NT5DC1: variants seen among roughly 807,000 people sequenced by gnomAD.
NT5DC1 encodes 5'-nucleotidase domain containing 1.
A neutral mutation model predicts 59.4 loss-of-function variants in NT5DC1; 42 were observed. The ratio of observed to expected loss-of-function variants is 0.71; its 90% CI spans 0.55 to 0.92. NT5DC1 has a LOEUF of 0.92. Ranked by LOEUF, NT5DC1 falls within the 40% of genes least tolerant of loss-of-function variation. The pLI is 0.00. For synonymous variants in NT5DC1, 172 were observed against 188.1 expected (o/e 0.91, Z 0.70); for missense variants, 501 against 537.1 (o/e 0.93, Z 0.66).
chr6:116,181,779 A>G (rs1034045191), intron 6 of NT5DC1, among the ~76,000 whole-genome samples: 8 of 152,090 alleles, frequency 5.3e-5, no homozygotes, highest in African/African-American at 1.9e-4. Flanking sequence ...TGGGAGCTAT[A>G]TTATGTTCCT....
At chr6:116,121,573 G>A (rs754927069) in intron 6 of NT5DC1, 1 of 1,613,950 alleles carries the variant, frequency 6.2e-7, no homozygotes, top group Non-Finnish European at 8.5e-7. Context: ...TCATACCAGG[G>A]ACTCCTGGTG....
chr6:116,236,410 T>C (rs1782114573), intron 8 of NT5DC1, among the ~76,000 whole-genome samples: 1 of 152,222 alleles, frequency 6.6e-6, no homozygotes, highest in Non-Finnish European at 1.5e-5. Flanking sequence ...GGTAATGTGC[T>C]GGGAGAGGAC....
At chr6:116,165,210 G>A (rs539028239) in intron 6 of NT5DC1, among the ~76,000 whole-genome samples, 1 of 151,898 alleles carries the variant, frequency 6.6e-6, no homozygotes, top group Non-Finnish European at 1.5e-5. Context: ...TCTGCTGTTA[G>A]TCTGATAGGA....
At chr6:116,106,120 A>G (rs1036290033) in intron 1 of NT5DC1, 124 bp from the exon 2 acceptor site, 6 of 703,948 alleles carry the variant, frequency 8.5e-6, no homozygotes, top group Non-Finnish European at 1.6e-5. Context: ...GAACTTCACA[A>G]TTACAGATAT....
chr6:116,100,988 ACT>A lies in NT5DC1; in HGVS notation c.61_62del (p.Leu21ValfsTer14). The A allele has an allele frequency of 6.2e-7, 1 of 1,604,628 alleles. No individual in the cohort carries two copies. Among genetic ancestry groups the A allele is most frequent in the Non-Finnish European group, 8.5e-7 (1 of 1,176,744 alleles). The part of the protein sequence containing the change: ...CDVVGFDLDH[T>X]LCRYNLPESA... ...CGTGGTCGGATTCGACCTGGACCAC[ACT>A]CTGTGTCGCTACAACCTGCCCGAGA... On this transcript the variant is annotated frameshift_variant, in exon 1 of 12. Coordinates refer to ENST00000319550, the MANE Select transcript of NT5DC1 (RefSeq NM_152729.3). LOFTEE classifies it high-confidence loss of function.
intron 5 of NT5DC1, among the ~76,000 whole-genome samples, chr6:116,116,405 A>G (rs1364035406): frequency 6.6e-6 from 1 of 152,168 alleles, no homozygotes; most frequent in African/African-American, 2.4e-5. Context: ...GCACCTTAGG[A>G]GGCCAAAACA....
At chr6:116,196,430 A>T (rs1781228573) in intron 6 of NT5DC1, among the ~76,000 whole-genome samples, 1 of 152,012 alleles carries the variant, frequency 6.6e-6, no homozygotes, top group Non-Finnish European at 1.5e-5. Context: ...ATCTTTTCTA[A>T]ATTTTTCCCC....
Position 116,243,943 on chromosome 6 carries a change from T to G in NT5DC1, c.1287T>G (p.Ser429=). The change falls in exon 12 of 12, where the codon TCT becomes TCG. Residue 429 remains serine (S), a synonymous_variant. Transcript: ENST00000319550. ...LPLDYKFTRF[S]SSNSKTAGYY... is the part of the protein sequence containing the mutation. ...TGGACTACAAATTTACAAGATTCTC[T>G]TCAAGCAATTCAAAAACAGCTGGCT... The G allele has an allele frequency of 6.4e-7, 1 of 1,574,560 alleles. No individual in the cohort carries two copies. Among genetic ancestry groups the G allele is most frequent in the Non-Finnish European group, 8.7e-7 (1 of 1,148,516 alleles).
At chr6:116,156,571 T>C (rs907887759) in intron 6 of NT5DC1, among the ~76,000 whole-genome samples, 4 of 152,198 alleles carry the variant, frequency 2.6e-5, no homozygotes, top group African/African-American at 9.6e-5. Context: ...ATTGCAGATA[T>C]ATGAAAGAAA....
chr6:116,162,774 T>A (rs1780364824), intron 6 of NT5DC1, among the ~76,000 whole-genome samples: 1 of 152,158 alleles, frequency 6.6e-6, no homozygotes. Flanking sequence ...GTTATTAGCA[T>A]GATACTAGTT....
chr6:116,190,868 C>T (rs1444668378), intron 6 of NT5DC1, among the ~76,000 whole-genome samples: 1 of 151,974 alleles, frequency 6.6e-6, no homozygotes, highest in African/African-American at 2.4e-5. Flanking sequence ...GGGATGGGTT[C>T]TGTGTGGTGC....
rs557275153 is a variant in NT5DC1, at chr6:116,245,845, G to C, written c.*1821G>C. 1 of 152,004 alleles carries C rather than the reference G, an allele frequency of 6.6e-6. No individual in the cohort carries two copies. Among genetic ancestry groups the C allele is most frequent in the Non-Finnish European group, 1.5e-5 (1 of 67,974 alleles). The allele number at this position is 152,004 out of a possible 1,614,324, so 9.4% of individuals were successfully genotyped here. A position where few individuals can be genotyped will look rare whatever the true frequency, so the allele number is the denominator to read the frequency against. On this transcript the variant is annotated 3_prime_UTR_variant, in exon 12 of 12. Coordinates refer to ENST00000319550, the MANE Select transcript of NT5DC1 (RefSeq NM_152729.3). ...TTCAGGAGGCAGAATTCAGTTGTCAGAAGTTCTAGTATTCCCTTTATCATT... is the reference window on the plus strand; with the variant it reads ...TTCAGGAGGCAGAATTCAGTTGTCACAAGTTCTAGTATTCCCTTTATCATT...
At chr6:116,124,462 A>G (rs1236618259) in intron 6 of NT5DC1, among the ~76,000 whole-genome samples, 1 of 152,170 alleles carries the variant, frequency 6.6e-6, no homozygotes, top group East Asian at 1.9e-4. Context: ...AGTAATCTTC[A>G]AAGAGTAACC....
At chr6:116,201,851 A>G (rs571392655) in intron 6 of NT5DC1, among the ~76,000 whole-genome samples, 11 of 152,132 alleles carry the variant, frequency 7.2e-5, no homozygotes, top group Admixed American at 2.0e-4. Flanking sequence ...ACTTTTTTAA[A>G]TGCTCTATTT....
In NT5DC1 at chr6:116,125,355, G is replaced by A. The variant is rs990852794; in HGVS notation, c.529+7410G>A. 2.5e-6 allele frequency: 4 copies of A among 1,613,728 alleles called. No individual in the cohort carries two copies. The highest frequency in any genetic ancestry group is 2.7e-5 in the African/African-American group (2 of 75,018). ...TCAATTTACCTTTACTCTTTATGGT[G>A]TAGGGAATGAAGAACTGTGTCTTGG... is the stretch of plus-strand genomic sequence containing the variant. On this transcript the variant is annotated intron_variant, in intron 6 of 11. Transcript: ENST00000319550.
chr6:116,128,381 G>T (rs954524949), intron 6 of NT5DC1, among the ~76,000 whole-genome samples: 18 of 152,058 alleles, frequency 1.2e-4, no homozygotes, highest in African/African-American at 4.1e-4. Flanking sequence ...TTTACTCTGG[G>T]TGTTTACTTG....
chr6:116,181,900 G>A (rs1780880511), intron 6 of NT5DC1, among the ~76,000 whole-genome samples: 1 of 151,884 alleles, frequency 6.6e-6, no homozygotes. Context: ...TAGGTTTTTG[G>A]GAAACAGTTG....
intron 6 of NT5DC1, among the ~76,000 whole-genome samples, chr6:116,170,390 G>A (rs769628275): frequency 2.6e-5 from 4 of 152,122 alleles, no homozygotes; most frequent in Non-Finnish European, 5.9e-5. Flanking sequence ...CACGTAGTTG[G>A]TGTGCTTGTA....
intron 6 of NT5DC1, among the ~76,000 whole-genome samples, chr6:116,127,354 C>T (rs1779344460): frequency 6.6e-6 from 1 of 152,092 alleles, no homozygotes; most frequent in African/African-American, 2.4e-5. Context: ...CATTGCCTCT[C>T]TCCTCTTGCT....
Sources: allele counts gnomAD v4.1 joint callset (sites outside exome capture counted in the v4.1 genomes callset), GRCh38; gene constraint gnomAD v4.1.1; transcripts MANE v1.5; gene names NCBI Gene and HGNC (gene_info 2026-07-23, HGNC 2026-07-21).